Variants in TENM2 observed in about 807,000 individuals in gnomAD.
The protein encoded by TENM2 is teneurin-2.
TENM2 carries 52 observed loss-of-function variants against 245.2 expected under a neutral mutation model. The ratio of observed to expected loss-of-function variants is 0.21; its 90% CI spans 0.17 to 0.27. The LOEUF (loss-of-function observed/expected upper bound fraction) is 0.27. Ranked by LOEUF, TENM2 falls within the 10% of genes least tolerant of loss-of-function variation. The pLI is 1.00. For missense variants in TENM2, 3,046 were observed against 3,666.8 expected (o/e 0.83, Z 4.37); for synonymous variants, 1,363 against 1,438.9 (o/e 0.95, Z 1.19).
At chr5:167,567,839 T>G (rs1371549530) in intron 2 of TENM2, among the ~76,000 whole-genome samples, 2 of 152,186 alleles carry the variant, frequency 1.3e-5, no homozygotes, top group Non-Finnish European at 2.9e-5. Context: ...GACTGTATTA[T>G]AAGCTCTTTC....
At chr5:168,154,571 T>C (rs1424588817) in intron 12 of TENM2, among the ~76,000 whole-genome samples, 2 of 152,192 alleles carry the variant, frequency 1.3e-5, no homozygotes, top group Non-Finnish European at 2.9e-5. Flanking sequence ...TTTACTGTTT[T>C]TACAAGTTCA....
chr5:168,144,272 T>C (rs957421061), intron 12 of TENM2, among the ~76,000 whole-genome samples: 5 of 152,096 alleles, frequency 3.3e-5, no homozygotes, highest in Non-Finnish European at 7.4e-5. Context: ...GCTGGTGCGC[T>C]GCACCCACTA....
At position 167,920,527 on chromosome 5, in the gene TENM2, A is replaced by ACG. The variant is rs1378556731; in HGVS notation, c.713-32060_713-32059insGC. 7.4e-5 allele frequency among the ~76,000 whole-genome samples: 11 copies of ACG among 149,502 alleles called. No individual in the cohort carries two copies. In the East Asian group the frequency reaches 2.0e-3, roughly 27 times the overall value. ...GAGCGAAACTCCATCACACACACAC[A>ACG]CACACACACACACACACACACACAC... On this transcript the variant is annotated intron_variant, in intron 3 of 28. Transcript: ENST00000518659.
chr5:167,449,423 G>A (rs2127472125), intron 2 of TENM2, among the ~76,000 whole-genome samples: 1 of 152,068 alleles, frequency 6.6e-6, no homozygotes. Context: ...CAGACATAAC[G>A]CCTCAACAAG....
At chr5:168,112,265 C>T (rs1794721135) in intron 9 of TENM2, among the ~76,000 whole-genome samples, 1 of 151,906 alleles carries the variant, frequency 6.6e-6, no homozygotes, top group Non-Finnish European at 1.5e-5. Flanking sequence ...AGTGTGGGTT[C>T]GTTACATAGG....
chr5:167,999,875 G>T (rs1329389920), intron 5 of TENM2, among the ~76,000 whole-genome samples: 3 of 152,218 alleles, frequency 2.0e-5, no homozygotes, highest in Non-Finnish European at 4.4e-5. Context: ...AGGAGTGATA[G>T]GTGCCACAAC....
At chr5:167,483,166 T>C (rs946038995) in intron 2 of TENM2, among the ~76,000 whole-genome samples, 1 of 152,214 alleles carries the variant, frequency 6.6e-6, no homozygotes, top group African/African-American at 2.4e-5. Flanking sequence ...AGAGCATACA[T>C]GTAAAACACT....
chr5:167,872,164 GCAT>G (rs1311748924), intron 2 of TENM2, among the ~76,000 whole-genome samples: 4 of 151,680 alleles, frequency 2.6e-5, no homozygotes, highest in Admixed American at 6.6e-5. Context: ...ATAGTGGCTT[GCAT>G]CTGTAATCCC....
chr5:167,276,937 A>G, the TENM2 span, among the ~76,000 whole-genome samples: 1 of 152,032 alleles, frequency 6.6e-6, no homozygotes, highest in Non-Finnish European at 1.5e-5. Flanking sequence ...TATCTTGTTC[A>G]TGTCTTCAGG....
intron 14 of TENM2, 144 bp from the exon 17 acceptor site, chr5:168,195,032 C>G (rs77120541): frequency 5.2e-6 from 5 of 958,258 alleles, no homozygotes; most frequent in Admixed American, 2.4e-5. Context: ...ATGTCACTAG[C>G]GTGATTGTGC....
At chr5:167,355,625 T>A (rs1759260963) in intron 1 of TENM2, among the ~76,000 whole-genome samples, 1 of 152,090 alleles carries the variant, frequency 6.6e-6, no homozygotes, top group South Asian at 2.1e-4. Context: ...AAAACCATTG[T>A]CTCCTTTGAA....
the TENM2 span, among the ~76,000 whole-genome samples, chr5:167,024,136 T>G: frequency 6.6e-6 from 1 of 152,288 alleles, no homozygotes; most frequent in Admixed American, 6.5e-5. Context: ...AGCAATCAGG[T>G]TAGCTTTAAG....
At position 167,360,094 on chromosome 5, in the gene TENM2, G is replaced by T. The variant is rs541323336; in HGVS notation, c.227-15104G>T. Among the ~76,000 whole-genome samples the T allele has an allele frequency of 2.3e-4, 35 of 152,226 alleles. 1 individual carries two copies. The highest frequency in any genetic ancestry group is 4.4e-5 in the Non-Finnish European group (3 of 68,004). On this transcript the variant is annotated intron_variant, in intron 1 of 28. Transcript: ENST00000518659. ...CTAGGCTTAGTATCTGGGTGATGAA[G>T]AAATCTGTACAACAAACCCCGGTGA...
chr5:167,771,061 A>G (rs1243502308), intron 2 of TENM2, among the ~76,000 whole-genome samples: 1 of 152,166 alleles, frequency 6.6e-6, no homozygotes, highest in Non-Finnish European at 1.5e-5. Context: ...GAATAAAAGA[A>G]GAAAGGAGAG....
chr5:168,083,896 G>GT lies in TENM2; in HGVS notation c.1516-6672dup, dbSNP rs537875956. Among the ~76,000 whole-genome samples the GT allele has an allele frequency of 6.5e-3, 993 of 152,152 alleles. 9 individuals carry two copies. Among genetic ancestry groups the GT allele is most frequent in the African/African-American group, 0.023 (957 of 41,490 alleles). On this transcript the variant is annotated intron_variant, in intron 7 of 28. Transcript: ENST00000518659. ...TTAACCAACAGTAAAAATCCCAGTA[G>GT]TTTTTTAACCCTTGCCCCCTCCCTC...
intron 1 of TENM2, among the ~76,000 whole-genome samples, chr5:167,322,942 T>C (rs1220901286): frequency 6.6e-6 from 1 of 152,244 alleles, no homozygotes; most frequent in Non-Finnish European, 1.5e-5. Context: ...TTAGCAATTA[T>C]AATTCACAGA....
chr5:168,075,204 G>A (rs1791364077), intron 7 of TENM2, among the ~76,000 whole-genome samples: 1 of 152,122 alleles, frequency 6.6e-6, no homozygotes, highest in African/African-American at 2.4e-5. Context: ...TTCCATTCCT[G>A]AGTTACTTCA....
chr5:167,134,557 A>G, the TENM2 span, among the ~76,000 whole-genome samples: 1 of 152,224 alleles, frequency 6.6e-6, no homozygotes, highest in Non-Finnish European at 1.5e-5. Flanking sequence ...TTCAGTCGGC[A>G]AGAAGAAAGT....
At chr5:168,249,382 G>A (rs918118413) in intron 27 of TENM2, among the ~76,000 whole-genome samples, 5 of 151,850 alleles carry the variant, frequency 3.3e-5, no homozygotes, top group East Asian at 1.9e-4. Context: ...TTATCAAAAC[G>A]CATTTATAAA....
Sources: allele counts gnomAD v4.1 joint callset (sites outside exome capture counted in the v4.1 genomes callset), GRCh38; gene constraint gnomAD v4.1.1; transcripts MANE v1.5; gene names NCBI Gene and HGNC (gene_info 2026-07-23, HGNC 2026-07-21).